The following TASP1 variants were observed in gnomAD, a reference collection of about 807,000 sequenced individuals.
TASP1 encodes the protein threonine aspartase 1.
In TASP1, 16 loss-of-function variants were observed where a neutral mutation model predicts 56.6. That is an observed-to-expected ratio of 0.28 (90% CI 0.19 to 0.43). The LOEUF (loss-of-function observed/expected upper bound fraction) is 0.43, where lower values mean the gene tolerates loss of function less well. TASP1 is among the 20% of genes least tolerant of loss of function. TASP1 has a pLI of 1.00. For synonymous variants in TASP1, 179 were observed against 184.2 expected, an observed-to-expected ratio of 0.97 and a Z score of 0.23; for missense variants, 393 against 511.6, an observed-to-expected ratio of 0.77 and a Z score of 2.24.
chr20:13,317,555 C>T, the TASP1 span, among the ~76,000 whole-genome samples: 1 of 151,994 alleles, frequency 6.6e-6, no homozygotes, highest in African/African-American at 2.4e-5. Context: ...TATAAAGCTA[C>T]AGTAATCAAG....
At chr20:13,516,358 G>C (rs1281119730) in intron 10 of TASP1, among the ~76,000 whole-genome samples, 2 of 151,812 alleles carry the variant, frequency 1.3e-5, no homozygotes, top group Non-Finnish European at 2.9e-5. Context: ...AGGTGTGCCA[G>C]AGGGCACACA....
the TASP1 span, among the ~76,000 whole-genome samples, chr20:13,190,832 T>A: frequency 6.6e-6 from 1 of 152,014 alleles, no homozygotes; most frequent in Non-Finnish European, 1.5e-5. Flanking sequence ...GCAATATATC[T>A]CTTCTGCAAG....
intron 4 of TASP1, among the ~76,000 whole-genome samples, chr20:13,590,022 A>G (rs1398622098): frequency 1.3e-5 from 2 of 152,096 alleles, no homozygotes; most frequent in East Asian, 3.9e-4. Context: ...ACTTGAGGCC[A>G]GGACTTCAAA....
At chr20:13,278,085 G>A in the TASP1 span, among the ~76,000 whole-genome samples, 1 of 152,190 alleles carries the variant, frequency 6.6e-6, no homozygotes, top group Non-Finnish European at 1.5e-5. Flanking sequence ...TGATTACTTG[G>A]AGTGCATGTT....
At chr20:13,259,206 A>G in the TASP1 span, among the ~76,000 whole-genome samples, 20 of 151,230 alleles carry the variant, frequency 1.3e-4, no homozygotes, top group Non-Finnish European at 1.5e-4. Flanking sequence ...GCTTGAACCC[A>G]GGAGGCGGAG....
Position 13,559,241 on chromosome 20 carries a change from A to G in TASP1, c.569-127T>C, listed in dbSNP as rs1017994942. The stretch of plus-strand genomic sequence containing the variant: ...CAGTATGTTAAATTAAGGGTTTAAA[A>G]AGTCTTTTCAATGTATACAGGGATA... On this transcript the variant is annotated intron_variant, in intron 7 of 13. Transcript: ENST00000337743. 4.6e-5 allele frequency: 24 copies of G among 516,882 alleles called. No individual in the cohort carries two copies. In the African/African-American group the frequency reaches 4.7e-4, roughly 10 times the overall value. The allele number at this position is 516,882 out of a possible 1,614,324, so 32.0% of individuals were successfully genotyped here. A position where few individuals can be genotyped will look rare whatever the true frequency, so the allele number is the denominator to read the frequency against.
intron 11 of TASP1, among the ~76,000 whole-genome samples, chr20:13,440,989 A>G (rs2043193305): frequency 6.6e-6 from 1 of 152,136 alleles, no homozygotes; most frequent in Non-Finnish European, 1.5e-5. Flanking sequence ...CACCTCTACA[A>G]CTGTTCCTTT....
At chr20:13,303,402 T>A in the TASP1 span, among the ~76,000 whole-genome samples, 1 of 152,216 alleles carries the variant, frequency 6.6e-6, no homozygotes, top group Non-Finnish European at 1.5e-5. Context: ...GTTGGGTAAG[T>A]CACAAAGCTC....
At chr20:13,436,851 T>C (rs545024163) in intron 11 of TASP1, among the ~76,000 whole-genome samples, 6 of 152,266 alleles carry the variant, frequency 3.9e-5, no homozygotes, top group East Asian at 1.9e-4. Flanking sequence ...GTATGACTCA[T>C]ACACTAAAGG....
chr20:13,138,350 A>T, the TASP1 span, among the ~76,000 whole-genome samples: 1 of 151,878 alleles, frequency 6.6e-6, no homozygotes, highest in African/African-American at 2.4e-5. Context: ...CCCACAATAC[A>T]CTACCCCCAT....
chr20:13,397,454 T>C (rs2041585121), intron 13 of TASP1, among the ~76,000 whole-genome samples: 1 of 151,998 alleles, frequency 6.6e-6, no homozygotes, highest in South Asian at 2.1e-4. Context: ...GATAATGTGG[T>C]TTGCTTATGG....
chr20:13,513,641 G>C (rs2044420396), intron 10 of TASP1, among the ~76,000 whole-genome samples: 1 of 152,108 alleles, frequency 6.6e-6, no homozygotes, highest in Non-Finnish European at 1.5e-5. Flanking sequence ...ACGGTAGCTA[G>C]GACTTTCTAT....
At chr20:13,572,308 A>G (rs2046743648) in intron 6 of TASP1, among the ~76,000 whole-genome samples, 1 of 152,202 alleles carries the variant, frequency 6.6e-6, no homozygotes, top group Non-Finnish European at 1.5e-5. Context: ...TGTTATACCC[A>G]TCTTCGTTTA....
the TASP1 span, among the ~76,000 whole-genome samples, chr20:13,253,016 C>G: frequency 1.3e-5 from 2 of 152,314 alleles, no homozygotes; most frequent in East Asian, 1.9e-4. Flanking sequence ...CTGGAACCAA[C>G]CTGTCCTTCC....
downstream of TASP1, among the ~76,000 whole-genome samples, chr20:13,389,049 C>G (rs530808813): frequency 9.6e-4 from 146 of 152,118 alleles, no homozygotes; most frequent in African/African-American, 3.0e-3. Context: ...AAGAAAAAAT[C>G]AAAAGGAAAA....
chr20:13,259,280 C>CA, the TASP1 span, among the ~76,000 whole-genome samples: 29,894 of 116,222 alleles, frequency 0.26, 3,437 homozygotes, highest in East Asian at 0.45. Context: ...GACTCTGTCT[C>CA]AAAAAAAAAA....
the TASP1 span, among the ~76,000 whole-genome samples, chr20:13,199,052 T>A: frequency 6.7e-6 from 1 of 150,118 alleles, no homozygotes; most frequent in Non-Finnish European, 1.5e-5. Context: ...ACCACAGGCA[T>A]GTGCCACCAT....
At chr20:13,129,794 T>C in the TASP1 span, among the ~76,000 whole-genome samples, 4 of 152,340 alleles carry the variant, frequency 2.6e-5, no homozygotes, top group Non-Finnish European at 5.9e-5. Context: ...TCCTCAGTAA[T>C]CATCTGCCAT....
chr20:13,295,989 T>A, the TASP1 span, among the ~76,000 whole-genome samples: 1 of 152,226 alleles, frequency 6.6e-6, no homozygotes, highest in East Asian at 1.9e-4. Flanking sequence ...TGTCACGTGC[T>A]CCTTGAAGCA....
Sources: allele counts gnomAD v4.1 joint callset (sites outside exome capture counted in the v4.1 genomes callset), GRCh38; gene constraint gnomAD v4.1.1; transcripts MANE v1.5; gene names NCBI Gene and HGNC (gene_info 2026-07-23, HGNC 2026-07-21).